The following MECOM variants were observed in gnomAD, a reference collection of about 807,000 sequenced individuals.
MECOM encodes MDS1 and EVI1 complex locus, also known as histone-lysine N-methyltransferase MECOM.
In MECOM, 13 loss-of-function variants were observed where a neutral mutation model predicts 116.3. The ratio of observed to expected loss-of-function variants is 0.11; its 90% confidence interval spans 0.07 to 0.18. The LOEUF (loss-of-function observed/expected upper bound fraction) is 0.18. MECOM is among the 10% of genes least tolerant of loss of function. MECOM has a pLI of 1.00. For synonymous variants in MECOM, 528 were observed against 535.2 expected (o/e 0.99, Z 0.19); for missense variants, 1,299 against 1,509.0 (o/e 0.86, Z 2.31).
chr3:169,317,682 G>T (rs1720008727), intron 2 of MECOM, among the ~76,000 whole-genome samples: 1 of 152,146 alleles, frequency 6.6e-6, no homozygotes, highest in South Asian at 2.1e-4. Flanking sequence ...CTAGGACAGT[G>T]ACTAATGCTT....
intron 1 of MECOM, among the ~76,000 whole-genome samples, chr3:169,584,365 A>C (rs918032913): frequency 6.6e-6 from 1 of 151,314 alleles, no homozygotes; most frequent in Non-Finnish European, 1.5e-5. Context: ...GGAGATAGAG[A>C]CCATCTTGGC....
intron 9 of MECOM, among the ~76,000 whole-genome samples, chr3:169,110,268 T>C (rs1241875821): frequency 6.6e-6 from 1 of 152,174 alleles, no homozygotes; most frequent in Non-Finnish European, 1.5e-5. Context: ...ATACATGGCA[T>C]GGCCCTGGCA....
intron 1 of MECOM, among the ~76,000 whole-genome samples, chr3:169,659,055 C>T (rs1413682816): frequency 1.4e-5 from 2 of 145,884 alleles, no homozygotes; most frequent in South Asian, 2.1e-4. Context: ...TTGCTTACGA[C>T]TCCTCACCTT....
intron 1 of MECOM, among the ~76,000 whole-genome samples, chr3:169,459,063 G>A (rs1009941204): frequency 1.3e-5 from 2 of 152,146 alleles, no homozygotes; most frequent in Non-Finnish European, 2.9e-5. Context: ...ACCTGTATTG[G>A]GAAGGTTGTT....
chr3:169,388,971 G>C (rs1733817010), intron 1 of MECOM, among the ~76,000 whole-genome samples: 1 of 152,172 alleles, frequency 6.6e-6, no homozygotes, highest in African/African-American at 2.4e-5. Context: ...AGATAGCAAG[G>C]GAGATGGCAA....
chr3:169,540,383 AC>A (rs1318414092), intron 1 of MECOM, among the ~76,000 whole-genome samples: 1 of 152,052 alleles, frequency 6.6e-6, no homozygotes, highest in Non-Finnish European at 1.5e-5. Context: ...TTTTGTTCAG[AC>A]ATGTGTTATC....
intron 1 of MECOM, among the ~76,000 whole-genome samples, chr3:169,537,879 A>C (rs1183621089): frequency 1.3e-5 from 2 of 152,190 alleles, no homozygotes; most frequent in African/African-American, 4.8e-5. Context: ...GGTTGTTCAC[A>C]ACCTATAAAC....
chr3:169,193,069 G>A (rs571304650), intron 2 of MECOM, among the ~76,000 whole-genome samples: 10 of 151,964 alleles, frequency 6.6e-5, no homozygotes, highest in Non-Finnish European at 1.5e-4. Context: ...TGGGGTAAAA[G>A]TAGAAAGTCT....
chr3:169,580,596 C>T (rs560084286), intron 1 of MECOM, among the ~76,000 whole-genome samples: 2 of 152,244 alleles, frequency 1.3e-5, no homozygotes, highest in South Asian at 4.1e-4. Flanking sequence ...AGGCAACATG[C>T]TTTTGTGTGA....
chr3:169,160,532 G>A, intron 2 of MECOM, among the ~76,000 whole-genome samples: 2 of 147,522 alleles, frequency 1.4e-5, no homozygotes, highest in South Asian at 4.2e-4. Flanking sequence ...TAATATATTA[G>A]TTATTTTAAA....
intron 2 of MECOM, among the ~76,000 whole-genome samples, chr3:169,358,433 A>G (rs1727647967): frequency 6.6e-6 from 1 of 151,524 alleles, no homozygotes; most frequent in Non-Finnish European, 1.5e-5. Flanking sequence ...TTTTCTTGTG[A>G]CATTTTTGTA....
chr3:169,293,284 C>T (rs775692914), intron 2 of MECOM, among the ~76,000 whole-genome samples: 16 of 152,178 alleles, frequency 1.1e-4, no homozygotes, highest in Non-Finnish European at 2.2e-4. Flanking sequence ...ACCACACAGC[C>T]GTCAGGGTCT....
intron 2 of MECOM, among the ~76,000 whole-genome samples, chr3:169,179,585 A>G (rs1745672443): frequency 1.3e-5 from 2 of 152,334 alleles, no homozygotes; most frequent in African/African-American, 4.8e-5. Flanking sequence ...CAATTAAACA[A>G]GAATGTAACA....
chr3:169,649,552 A>G (rs1774621290), intron 1 of MECOM, among the ~76,000 whole-genome samples: 1 of 152,020 alleles, frequency 6.6e-6, no homozygotes, highest in African/African-American at 2.4e-5. Context: ...GGGTATATGT[A>G]TGTCTGTCAA....
intron 2 of MECOM, among the ~76,000 whole-genome samples, chr3:169,159,053 C>G (rs574616865): frequency 2.0e-5 from 3 of 152,128 alleles, no homozygotes; most frequent in Admixed American, 1.3e-4. Flanking sequence ...GGTAAACTGC[C>G]ATAATGAGGT....
intron 1 of MECOM, among the ~76,000 whole-genome samples, chr3:169,518,949 T>G (rs1347571419): frequency 6.6e-6 from 1 of 152,192 alleles, no homozygotes; most frequent in Non-Finnish European, 1.5e-5. Context: ...TCCCCAGCCA[T>G]GTGGAATGGT....
intron 1 of MECOM, among the ~76,000 whole-genome samples, chr3:169,621,809 A>T (rs1450269628): frequency 6.6e-6 from 1 of 152,116 alleles, no homozygotes; most frequent in African/African-American, 2.4e-5. Context: ...TGTTTTTGTA[A>T]CCTCCTCAAA....
chr3:169,545,080 G>A lies in MECOM; in HGVS notation c.37+118256C>T, dbSNP rs375938237. ...AATTAAAAAAAAGAAAATGGTATAC[G>A]TGTTCCCAGGTTAAGGTAAGATGTA... On this transcript the variant is annotated intron_variant, in intron 1 of 16. Transcript: ENST00000651503. Among the ~76,000 whole-genome samples, 15 of 152,100 alleles carry A rather than the reference G, an allele frequency of 9.9e-5. No individual in the cohort carries two copies. In the East Asian group the frequency reaches 2.3e-3, roughly 23 times the overall value.
intron 2 of MECOM, among the ~76,000 whole-genome samples, chr3:169,353,032 T>G (rs758523863): frequency 4.6e-5 from 7 of 151,910 alleles, no homozygotes; most frequent in Non-Finnish European, 1.0e-4. Context: ...ATTGTTGATT[T>G]ATCCCACGAG....
Sources: allele counts gnomAD v4.1 joint callset (sites outside exome capture counted in the v4.1 genomes callset), GRCh38; gene constraint gnomAD v4.1.1; transcripts MANE v1.5; gene names NCBI Gene and HGNC (gene_info 2026-07-23, HGNC 2026-07-21).